The following MLIP variants were observed in gnomAD, a reference collection of about 807,000 sequenced individuals.
The protein encoded by MLIP is muscular LMNA interacting protein, also known as muscular LMNA-interacting protein.
Under a neutral mutation model 84.8 loss-of-function variants are expected in MLIP, and 79 were observed. The observed-to-expected ratio is 0.93, with a 90% confidence interval of 0.78 to 1.12. MLIP has a LOEUF of 1.12. Among genes scored for constraint, MLIP ranks in the 50% most tolerant of loss-of-function variants. The probability of loss-of-function intolerance (pLI) is 0.00; values close to 1 mark genes in which losing one functional copy is unlikely to be tolerated. For synonymous variants in MLIP, 504 were observed against 463.0 expected (o/e 1.09, Z -1.14); for missense variants, 1,257 against 1,160.6 (o/e 1.08, Z -1.21).
In MLIP at chr6:54,220,303, A is replaced by T. The variant is rs539935007; in HGVS notation, c.2719-10411A>T. 2.3e-3 allele frequency among the ~76,000 whole-genome samples: 353 copies of T among 152,330 alleles called. 1 individual carries two copies. The highest frequency in any genetic ancestry group is 8.2e-3 in the African/African-American group (340 of 41,576). On this transcript the variant is annotated intron_variant, in intron 11 of 13. Transcript: ENST00000502396. ...ATTAACAAAACCGGCATCCAAGGTC[A>T]TGAAGCTGTGCAATTTTCAGTACTG...
rs1173864745 is a variant in MLIP at position 54,205,278 on chromosome 6, C to T, written c.2718+3045C>T. Among the ~76,000 whole-genome samples, 8 of 152,222 alleles carry T rather than the reference C, an allele frequency of 5.3e-5. No homozygotes were observed. The East Asian group carries it at 1.5e-3, about 29-fold the overall frequency. On this transcript the variant is annotated intron_variant, in intron 11 of 13. Transcript: ENST00000502396. ...GTGTACTCAAATTCATTTCTAGTCA[C>T]TATTGTCTTCTCTTACACTGCTGCC...
intron 12 of MLIP, among the ~76,000 whole-genome samples, chr6:54,256,290 A>G (rs774476287): frequency 8.5e-5 from 13 of 152,170 alleles, no homozygotes; most frequent in Non-Finnish European, 1.5e-4. Context: ...TGGCCTCCCT[A>G]GCAGCCAAGG....
At chr6:54,091,570 G>A (rs573863411) in intron 1 of MLIP, among the ~76,000 whole-genome samples, 25 of 152,096 alleles carry the variant, frequency 1.6e-4, no homozygotes, top group Non-Finnish European at 3.4e-4. Context: ...AGGAAAGGTG[G>A]GTTTTCAAGA....
intron 12 of MLIP, 109 bp from the exon 13 acceptor site, chr6:54,257,199 T>C (rs1783064169): frequency 1.3e-6 from 1 of 747,578 alleles, no homozygotes; most frequent in Non-Finnish European, 2.3e-6. Context: ...TCCACTGTTA[T>C]CTGCAATAAA....
At chr6:54,121,327 G>T in intron 1 of MLIP, 120 bp from the exon 2 acceptor site, 1 of 1,031,034 alleles carries the variant, frequency 9.7e-7, no homozygotes, top group Admixed American at 2.5e-5. Context: ...CCATATACAT[G>T]ATCACAGGAC....
intron 1 of MLIP, chr6:54,046,688 A>G (rs1765079729): frequency 6.6e-6 from 1 of 152,190 alleles, no homozygotes; most frequent in East Asian, 1.9e-4. Flanking sequence ...AAATACTATC[A>G]TGATCACAGA....
chr6:54,219,196 C>T (rs1043355723), intron 11 of MLIP, among the ~76,000 whole-genome samples: 7 of 151,140 alleles, frequency 4.6e-5, no homozygotes, highest in Non-Finnish European at 1.0e-4. Context: ...CAGAGCGAGA[C>T]TCCGTCTCAA....
chr6:54,226,255 G>C (rs1205867481), intron 11 of MLIP, among the ~76,000 whole-genome samples: 1 of 152,234 alleles, frequency 6.6e-6, no homozygotes, highest in African/African-American at 2.4e-5. Flanking sequence ...TCCTGGCATA[G>C]TGGAGAGCAG....
chr6:54,104,375 A>G (rs1768863696), intron 1 of MLIP, among the ~76,000 whole-genome samples: 1 of 152,180 alleles, frequency 6.6e-6, no homozygotes, highest in Non-Finnish European at 1.5e-5. Context: ...TGATATATGT[A>G]AAAATGGTTC....
Position 54,124,761 on chromosome 6 carries a change from C to T in MLIP, c.541C>T (p.Leu181=), listed in dbSNP as rs2150445311. ...CAAGTCTCTAGCTATCTCGTCCAGT[C>T]TGGTCTCTGATGTAGTGCGTCCCAA... ...RPKSLAISSS[L]VSDVVRPKTQ... Residue 181 remains leucine, a synonymous_variant, in exon 3 of 14, where the codon CTG becomes TTG. Transcript: ENST00000502396. The T allele has an allele frequency of 6.2e-7, 1 of 1,614,212 alleles. No homozygotes were observed. The highest frequency in any genetic ancestry group is 2.2e-5 in the East Asian group (1 of 44,872).
chr6:54,249,310 C>A (rs145906993), intron 12 of MLIP, among the ~76,000 whole-genome samples: 3 of 152,134 alleles, frequency 2.0e-5, no homozygotes, highest in East Asian at 1.9e-4. Context: ...ATTAGATAGA[C>A]AAACTTGGGA....
chr6:54,151,544 G>C (rs1773444935), intron 5 of MLIP, among the ~76,000 whole-genome samples: 1 of 152,052 alleles, frequency 6.6e-6, no homozygotes, highest in Non-Finnish European at 1.5e-5. Flanking sequence ...AATCACAGAA[G>C]GTTTTCTGAG....
rs1328757010 is a variant in MLIP, at chr6:54,137,314, C to T, written c.1245C>T (p.Ala415=). 1 of 1,536,036 alleles carries T rather than the reference C, an allele frequency of 6.5e-7. No individual in the cohort carries two copies. Among genetic ancestry groups the T allele is most frequent in the Admixed American group, 2.0e-5 (1 of 50,982 alleles). Residue 415 remains alanine (A), a synonymous_variant, in exon 4 of 14, where the codon GCC becomes GCT. Transcript: ENST00000502396. ...GVKSPVPSRL[A]LLTAILKSNP... ...AATCCCCGGTGCCTTCCCGGCTTGCCCTTCTCACTGCCATTCTCAAGTCAA... is the reference window on the plus strand; with the variant it reads ...AATCCCCGGTGCCTTCCCGGCTTGCTCTTCTCACTGCCATTCTCAAGTCAA...
chr6:54,145,332 G>A (rs895273243), intron 4 of MLIP, among the ~76,000 whole-genome samples: 3 of 152,132 alleles, frequency 2.0e-5, no homozygotes, highest in East Asian at 1.9e-4. Flanking sequence ...TATTTAGATC[G>A]AGTACATATT....
intron 5 of MLIP, among the ~76,000 whole-genome samples, chr6:54,151,778 G>A (rs1168446294): frequency 6.6e-6 from 1 of 152,122 alleles, no homozygotes; most frequent in Non-Finnish European, 1.5e-5. Flanking sequence ...TAATTAATGA[G>A]AAACCAGATT....
At chr6:54,167,472 A>G (rs1775312418) in intron 8 of MLIP, among the ~76,000 whole-genome samples, 1 of 151,874 alleles carries the variant, frequency 6.6e-6, no homozygotes, top group African/African-American at 2.4e-5. Flanking sequence ...TTTTCAGCTT[A>G]ACCTTTATCT....
At chr6:54,261,848 C>A (rs1783414309) in intron 13 of MLIP, 2 of 558,992 alleles carry the variant, frequency 3.6e-6, no homozygotes, top group South Asian at 7.8e-5. Flanking sequence ...AACATTATTT[C>A]TCAAAATGAA....
chr6:54,089,753 G>A (rs997253146), intron 1 of MLIP, among the ~76,000 whole-genome samples: 1 of 152,076 alleles, frequency 6.6e-6, no homozygotes. Context: ...AATTTGTATT[G>A]AACTTACTTC....
intron 1 of MLIP, among the ~76,000 whole-genome samples, chr6:54,036,112 CT>C (rs1290430976): frequency 1.3e-5 from 2 of 151,874 alleles, no homozygotes; most frequent in Non-Finnish European, 2.9e-5. Flanking sequence ...ATATTTAAGT[CT>C]ATGATCCAGA....
Sources: allele counts gnomAD v4.1 joint callset (sites outside exome capture counted in the v4.1 genomes callset), GRCh38; gene constraint gnomAD v4.1.1; transcripts MANE v1.5; gene names NCBI Gene and HGNC (gene_info 2026-07-23, HGNC 2026-07-21).